The following CSRNP3 variants were observed in gnomAD, a reference collection of about 807,000 sequenced individuals.
CSRNP3 encodes cysteine and serine rich nuclear protein 3.
In CSRNP3, 12 loss-of-function variants were observed where a neutral mutation model predicts 48.0. The observed-to-expected ratio is 0.25, with a 90% CI of 0.16 to 0.41. The LOEUF is 0.41. Among genes scored for constraint, CSRNP3 ranks in the 10% least tolerant of loss-of-function variants. The probability of loss-of-function intolerance (pLI) is 1.00; values close to 1 mark genes in which losing one functional copy is unlikely to be tolerated. For synonymous variants in CSRNP3, 263 were observed against 269.7 expected, an observed-to-expected ratio of 0.98 and a Z score of 0.24; for missense variants, 580 against 724.4, an observed-to-expected ratio of 0.80 and a Z score of 2.29.
At chr2:165,653,475 T>C (rs1018079988) in intron 4 of CSRNP3, among the ~76,000 whole-genome samples, 31 of 152,170 alleles carry the variant, frequency 2.0e-4, no homozygotes, top group African/African-American at 6.8e-4. Flanking sequence ...ACTATTGTCG[T>C]CTTCAAGGCC....
rs578245900 is a variant in CSRNP3, at chr2:165,558,948, A to T, written c.-23-36095A>T. ...ATAGATTGCTGAAAGGGATACTCTAATGTGACTGATGACAGTGGTATAGTT... is the reference window on the plus strand; with the variant it reads ...ATAGATTGCTGAAAGGGATACTCTATTGTGACTGATGACAGTGGTATAGTT... On this transcript the variant is annotated intron_variant, in intron 3 of 6. Coordinates refer to ENST00000651982, the MANE Select transcript of CSRNP3 (RefSeq NM_001172173.2). Among the ~76,000 whole-genome samples, 475 of 152,286 alleles carry T rather than the reference A, an allele frequency of 3.1e-3. 1 individual carries two copies. The highest frequency in any genetic ancestry group is 2.9e-3 in the Non-Finnish European group (194 of 68,024).
chr2:165,518,427 T>A, intron 3 of CSRNP3, among the ~76,000 whole-genome samples: 1 of 151,938 alleles, frequency 6.6e-6, no homozygotes, highest in East Asian at 1.9e-4. Flanking sequence ...GCCAAATAAA[T>A]AATGCTATCA....
intron 5 of CSRNP3, among the ~76,000 whole-genome samples, chr2:165,666,479 C>CAT (rs1368248316): frequency 1.4e-4 from 3 of 20,964 alleles, no homozygotes; most frequent in African/African-American, 3.9e-4. Flanking sequence ...GAAAGAAAGA[C>CAT]AGAGAGGAAG....
chr2:165,473,445 A>G (rs1683919207), intron 1 of CSRNP3, among the ~76,000 whole-genome samples: 1 of 152,148 alleles, frequency 6.6e-6, no homozygotes, highest in Admixed American at 6.6e-5. Context: ...CTTGGGTCAG[A>G]TTTAATAATA....
At chr2:165,518,859 T>C (rs1684614214) in intron 3 of CSRNP3, among the ~76,000 whole-genome samples, 2 of 152,080 alleles carry the variant, frequency 1.3e-5, no homozygotes, top group African/African-American at 4.8e-5. Flanking sequence ...ACTTTGGTTC[T>C]TTCTAAGTGA....
chr2:165,619,163 C>A (rs888870367), intron 4 of CSRNP3, among the ~76,000 whole-genome samples: 3 of 152,088 alleles, frequency 2.0e-5, no homozygotes, highest in African/African-American at 7.2e-5. Flanking sequence ...AACAGTTAAA[C>A]TAAAGCTAAA....
At chr2:165,579,506 A>T (rs1685506617) in intron 3 of CSRNP3, among the ~76,000 whole-genome samples, 1 of 152,128 alleles carries the variant, frequency 6.6e-6, no homozygotes. Flanking sequence ...GGCAGTAGTT[A>T]TTCATCTCTG....
chr2:165,615,964 CA>C, intron 4 of CSRNP3, among the ~76,000 whole-genome samples: 1 of 144,520 alleles, frequency 6.9e-6, no homozygotes, highest in East Asian at 2.2e-4. Flanking sequence ...CTCCTGGGCT[CA>C]AGTGATCCTC....
At chr2:165,675,382 A>G (rs1463834116) in intron 5 of CSRNP3, among the ~76,000 whole-genome samples, 2 of 152,306 alleles carry the variant, frequency 1.3e-5, no homozygotes, top group East Asian at 3.9e-4. Flanking sequence ...CATTAATTCT[A>G]TGCTGCTCCT....
chr2:165,477,480 TGA>T (rs1558911038), intron 1 of CSRNP3, among the ~76,000 whole-genome samples: 6 of 104,630 alleles, frequency 5.7e-5, no homozygotes, highest in South Asian at 2.7e-4. Flanking sequence ...TATATATATA[TGA>T]AATATATATA....
intron 3 of CSRNP3, among the ~76,000 whole-genome samples, chr2:165,573,377 A>C (rs1685401365): frequency 6.6e-6 from 1 of 152,206 alleles, no homozygotes; most frequent in African/African-American, 2.4e-5. Flanking sequence ...AAATATGTAC[A>C]CACATGACTT....
intron 3 of CSRNP3, among the ~76,000 whole-genome samples, chr2:165,527,759 A>G (rs1286000325): frequency 3.3e-5 from 5 of 152,176 alleles, no homozygotes; most frequent in Non-Finnish European, 7.4e-5. Flanking sequence ...AAAGAGATAA[A>G]TGGCCAACTA....
chr2:165,567,745 T>C (rs1326550341), intron 3 of CSRNP3, among the ~76,000 whole-genome samples: 2 of 152,054 alleles, frequency 1.3e-5, no homozygotes. Flanking sequence ...TTCCACACTT[T>C]TTTTTTCCTA....
intron 2 of CSRNP3, among the ~76,000 whole-genome samples, chr2:165,502,894 G>A (rs115349803): frequency 1.3e-5 from 2 of 151,782 alleles, no homozygotes; most frequent in East Asian, 1.9e-4. Context: ...TCTCTGAATT[G>A]TAGGAAGCTA....
intron 3 of CSRNP3, among the ~76,000 whole-genome samples, chr2:165,562,159 G>A (rs1463658348): frequency 6.6e-6 from 1 of 152,096 alleles, no homozygotes; most frequent in Non-Finnish European, 1.5e-5. Flanking sequence ...TATTTTAAAA[G>A]AAATCTACCT....
chr2:165,514,763 GCTGGTCTCGGATTT>G (rs1684554265), intron 2 of CSRNP3, among the ~76,000 whole-genome samples: 1 of 151,996 alleles, frequency 6.6e-6, no homozygotes, highest in Non-Finnish European at 1.5e-5. Flanking sequence ...TTTTTTAGAG[GCTGGTCTCGGATTT>G]CTGGTCTCAA....
In CSRNP3 at chr2:165,688,067, T is replaced by C. The variant is rs555847069; in HGVS notation, c.*8314T>C. ...TTAAAAAAAAAAAAAAGGCTAATGCTATAGAATGATCATGTAAAGAATGTT... is the reference window on the plus strand; with the variant it reads ...TTAAAAAAAAAAAAAAGGCTAATGCCATAGAATGATCATGTAAAGAATGTT... On this transcript the variant is annotated 3_prime_UTR_variant, in exon 7 of 7. Coordinates refer to ENST00000651982, the MANE Select transcript of CSRNP3 (RefSeq NM_001172173.2). 1 of 150,612 alleles carries C rather than the reference T, an allele frequency of 6.6e-6. No homozygotes were observed. Among genetic ancestry groups the C allele is most frequent in the South Asian group, 2.1e-4 (1 of 4,800 alleles). 9.3% of individuals were successfully genotyped at this position (150,612 alleles called of 1,614,324 possible). A position where few individuals can be genotyped will look rare whatever the true frequency, so the allele number is the denominator to read the frequency against.
At chr2:165,562,751 G>C (rs1394799071) in intron 3 of CSRNP3, among the ~76,000 whole-genome samples, 1 of 152,128 alleles carries the variant, frequency 6.6e-6, no homozygotes. Flanking sequence ...ATAAGACAAG[G>C]CCTTTGTTCT....
At chr2:165,565,875 A>G (rs1296569046) in intron 3 of CSRNP3, among the ~76,000 whole-genome samples, 1 of 152,088 alleles carries the variant, frequency 6.6e-6, no homozygotes, top group East Asian at 1.9e-4. Context: ...ATTACAATTA[A>G]GTTCAATTGA....
Sources: gnomAD v4.1 joint callset for allele counts (sites outside exome capture counted in the v4.1 genomes callset) on GRCh38, gnomAD v4.1.1 for gene constraint, MANE v1.5 for transcripts, NCBI Gene and HGNC (gene_info 2026-07-23, HGNC 2026-07-21) for gene names.